RIMS1: variants seen among roughly 807,000 people sequenced by gnomAD.
The protein encoded by RIMS1 is regulating synaptic membrane exocytosis protein 1.
A neutral mutation model predicts 214.1 loss-of-function variants in RIMS1; 83 were observed. The observed-to-expected ratio is 0.39, with a 90% CI of 0.32 to 0.47. RIMS1 has a LOEUF of 0.47. Among genes scored for constraint, RIMS1 ranks in the 20% least tolerant of loss-of-function variants. RIMS1 has a pLI of 0.99. For missense variants in RIMS1, 2,050 were observed against 2,161.8 expected (o/e 0.95, Z 1.03); for synonymous variants, 793 against 786.8 (o/e 1.01, Z -0.13).
chr6:72,299,608 T>C lies in RIMS1; in HGVS notation c.3850+7562T>C, dbSNP rs12663511. On this transcript the variant is annotated intron_variant, in intron 26 of 33. Transcript: ENST00000521978. ...CTTCTTTAAATGTCAGCAAGAACAG[T>C]TTGAATGCTAAGTTATGCAAACTAT... Among the ~76,000 whole-genome samples, 505 of 151,960 alleles carry C rather than the reference T, an allele frequency of 3.3e-3. 18 individuals are homozygous for C. In the East Asian group the frequency reaches 0.086, roughly 26 times the overall value.
chr6:72,182,309 C>A lies in RIMS1; in HGVS notation c.838C>A (p.Gln280Lys). 2.5e-6 allele frequency: 4 copies of A among 1,601,300 alleles called. No homozygotes were observed. The highest frequency in any genetic ancestry group is 3.4e-6 in the Non-Finnish European group (4 of 1,174,260). Residue 280 changes from glutamine (Q) to lysine (K), a missense_variant, in exon 6 of 34, where the codon CAG (glutamine) becomes AAG (lysine). Physicochemically the swap from Gln to Lys is moderately conservative, Grantham distance 53 (BLOSUM62 1). This residue lies in a region of RIMS1 where 882 missense variants were observed against 828.9 expected (regional missense o/e 1.06). Coordinates refer to ENST00000521978, the MANE Select transcript of RIMS1 (RefSeq NM_014989.7). Reference protein sequence around the residue: ...ERKKTPGLSEQNGKGALKSER... With the variant: ...ERKKTPGLSEKNGKGALKSER... Reference sequence around the variant, plus strand: ...AAAGAAGACCCCAGGGCTTTCCGAGCAGAATGGCAAAGGAGCCCTGAAGAG... The same window carrying A: ...AAAGAAGACCCCAGGGCTTTCCGAGAAGAATGGCAAAGGAGCCCTGAAGAG...
intron 1 of RIMS1, among the ~76,000 whole-genome samples, chr6:71,916,573 C>T (rs1340657359): frequency 1.3e-5 from 2 of 152,058 alleles, no homozygotes; most frequent in Non-Finnish European, 2.9e-5. Context: ...TAAAATTACC[C>T]TTATAAAATT....
chr6:72,400,646 C>T lies in RIMS1; in HGVS notation c.5011C>T (p.Pro1671Ser). The change falls in exon 34 of 34, where the codon CCC becomes TCC. Residue 1671 changes from proline (P) to serine (S), a missense_variant. Transcript: ENST00000521978. ...PSSLVDPTLT[P>S]LTRRASQSSL... ...CTCACTGGTGGATCCCACACTCACT[C>T]CCCTCACCCGGCGGGCTTCCCAGTC... The T allele has an allele frequency of 6.2e-7, 1 of 1,613,906 alleles. No individual in the cohort carries two copies. Among genetic ancestry groups the T allele is most frequent in the Non-Finnish European group, 8.5e-7 (1 of 1,179,840 alleles).
intron 2 of RIMS1, among the ~76,000 whole-genome samples, chr6:72,003,163 T>G (rs1347328699): frequency 6.6e-6 from 1 of 152,070 alleles, no homozygotes; most frequent in African/African-American, 2.4e-5. Flanking sequence ...TGTGATAGGT[T>G]GGGTATAGAG....
At chr6:72,242,284 T>TA (rs772125558) in intron 9 of RIMS1, 30 bp from the exon 10 acceptor site, 11 of 1,499,282 alleles carry the variant, frequency 7.3e-6, no homozygotes, top group South Asian at 3.8e-5. Context: ...ATATATAAGG[T>TA]AAAAAAATAC....
chr6:71,950,183 T>A (rs185155197), intron 1 of RIMS1, among the ~76,000 whole-genome samples: 1 of 152,196 alleles, frequency 6.6e-6, no homozygotes, highest in Non-Finnish European at 1.5e-5. Context: ...ACAGACATCA[T>A]TGATTATCAT....
intron 4 of RIMS1, among the ~76,000 whole-genome samples, chr6:72,162,734 G>A (rs1378653980): frequency 7.1e-6 from 1 of 140,810 alleles, no homozygotes; most frequent in Non-Finnish European, 1.6e-5. Flanking sequence ...CTTCTGGCTT[G>A]TAGAGTTTCT....
intron 26 of RIMS1, among the ~76,000 whole-genome samples, chr6:72,301,901 T>A (rs900241586): frequency 1.3e-5 from 2 of 151,578 alleles, no homozygotes; most frequent in Non-Finnish European, 3.0e-5. Flanking sequence ...AACTGGTGAA[T>A]TTTTTTCCTC....
intron 2 of RIMS1, among the ~76,000 whole-genome samples, chr6:71,975,240 A>G (rs532444948): frequency 6.6e-6 from 1 of 152,198 alleles, no homozygotes; most frequent in Non-Finnish European, 1.5e-5. Flanking sequence ...GGAGGACTTA[A>G]GAAAATTATG....
chr6:72,274,080 A>G (rs890179203), intron 22 of RIMS1, among the ~76,000 whole-genome samples: 1 of 152,188 alleles, frequency 6.6e-6, no homozygotes, highest in Admixed American at 6.5e-5. Flanking sequence ...ATTTTGGAAG[A>G]AAAAAACTAC....
Position 71,887,031 on chromosome 6 carries a change from C to T in RIMS1, c.8C>T (p.Ser3Leu). 1 of 1,612,820 alleles carries T rather than the reference C, an allele frequency of 6.2e-7. No individual in the cohort carries two copies. The highest frequency in any genetic ancestry group is 8.5e-7 in the Non-Finnish European group (1 of 1,179,440). Residue 3 changes from serine to leucine, a missense_variant, in exon 1 of 34, where the codon TCG (serine) becomes TTG (leucine). Ser to Leu is a moderately radical substitution (Grantham distance 145, BLOSUM62 -2). Transcript: ENST00000521978. ...GGCGGGCAGGCCACGAAAATGTCCT[C>T]GGCCGTGGGGCCCCGCGGTCCTCGC... MS[S>L]AVGPRGPRPP...
At chr6:72,113,565 C>G (rs1038908066) in intron 4 of RIMS1, among the ~76,000 whole-genome samples, 1 of 151,978 alleles carries the variant, frequency 6.6e-6, no homozygotes, top group Non-Finnish European at 1.5e-5. Flanking sequence ...ACATTTTACA[C>G]GATTAATTTT....
intron 26 of RIMS1, among the ~76,000 whole-genome samples, chr6:72,299,687 G>A (rs1328685086): frequency 2.0e-5 from 3 of 151,732 alleles, no homozygotes; most frequent in Non-Finnish European, 4.4e-5. Context: ...TTCAAGTAAA[G>A]AAGCGAAAAA....
chr6:72,230,291 T>C (rs2061534099), intron 6 of RIMS1, among the ~76,000 whole-genome samples: 1 of 151,690 alleles, frequency 6.6e-6, no homozygotes, highest in African/African-American at 2.4e-5. Context: ...ATAATGATGT[T>C]AAAAATATGC....
In RIMS1 at chr6:72,384,069, G is replaced by C. The variant is rs78234060; in HGVS notation, c.4367-6529G>C. Among the ~76,000 whole-genome samples, 1,271 of 152,070 alleles carry C rather than the reference G, an allele frequency of 8.4e-3. 17 individuals carry two copies. Among genetic ancestry groups the C allele is most frequent in the African/African-American group, 0.028 (1,172 of 41,466 alleles). On this transcript the variant is annotated intron_variant, in intron 29 of 33. Coordinates refer to ENST00000521978, the MANE Select transcript of RIMS1 (RefSeq NM_014989.7). Reference sequence around the variant, plus strand: ...ATCCAGTTCCATCAGAGACTGCTTTGGCCTCAGAGACTGCTTTGATTGGAA... The same window carrying C: ...ATCCAGTTCCATCAGAGACTGCTTTCGCCTCAGAGACTGCTTTGATTGGAA...
intron 4 of RIMS1, among the ~76,000 whole-genome samples, chr6:72,128,921 T>G (rs1178022333): frequency 6.6e-6 from 1 of 152,228 alleles, no homozygotes; most frequent in African/African-American, 2.4e-5. Context: ...AATATTCATC[T>G]TTAATATTCC....
At chr6:72,207,525 G>T (rs1186096629) in intron 6 of RIMS1, among the ~76,000 whole-genome samples, 1 of 152,106 alleles carries the variant, frequency 6.6e-6, no homozygotes, top group Non-Finnish European at 1.5e-5. Flanking sequence ...AAGCAACTAG[G>T]TGTGTGGGCA....
chr6:72,192,079 G>A (rs1379289319), intron 6 of RIMS1, among the ~76,000 whole-genome samples: 2 of 152,184 alleles, frequency 1.3e-5, no homozygotes, highest in African/African-American at 2.4e-5. Context: ...TGCTAAGTAC[G>A]TCTGTGCCAA....
Position 72,157,375 on chromosome 6 carries a change from T to C in RIMS1, c.472-22200T>C, listed in dbSNP as rs558722610. ...GTTTTTATTCTGTATGTTCTGTCAG[T>C]TACAGATGTGTTTCTGTCTCCCACT... On this transcript the variant is annotated intron_variant, in intron 4 of 33. Coordinates refer to ENST00000521978, the MANE Select transcript of RIMS1 (RefSeq NM_014989.7). Among the ~76,000 whole-genome samples, 7 of 140,780 alleles carry C rather than the reference T, an allele frequency of 5.0e-5. 3 individuals are homozygous for C. Among genetic ancestry groups the C allele is most frequent in the Non-Finnish European group, 1.1e-4 (7 of 61,848 alleles). 92.4% of individuals were successfully genotyped at this position (140,780 alleles called of 152,430 possible).
Sources: gnomAD v4.1 joint callset for allele counts (sites outside exome capture counted in the v4.1 genomes callset) on GRCh38, gnomAD v4.1.1 for gene constraint, gnomAD v4.1.1 regional missense constraint, MANE v1.5 for transcripts, NCBI Gene and HGNC (gene_info 2026-07-23, HGNC 2026-07-21) for gene names.